The following SMAD9 variants were observed in gnomAD, a reference collection of about 807,000 sequenced individuals.
SMAD9 encodes the protein MAD homolog 9.
SMAD9 carries 36 observed loss-of-function variants against 46.1 expected under a neutral mutation model. The ratio of observed to expected loss-of-function variants is 0.78; its 90% CI spans 0.60 to 1.03. SMAD9 has a LOEUF of 1.03. Among genes scored for constraint, SMAD9 ranks in the 50% least tolerant of loss-of-function variants. The pLI, the probability that SMAD9 is intolerant of heterozygous loss-of-function variation, is 0.00. For missense variants in SMAD9, 572 were observed against 599.8 expected (o/e 0.95, Z 0.48); for synonymous variants, 245 against 237.1 (o/e 1.03, Z -0.31).
At chr13:36,901,672 C>T (rs555541954) in intron 1 of SMAD9, among the ~76,000 whole-genome samples, 2 of 152,318 alleles carry the variant, frequency 1.3e-5, no homozygotes, top group East Asian at 1.9e-4. Context: ...AAATGATCTC[C>T]CTGCCTCGGC....
In SMAD9 at chr13:36,851,737, AT is replaced by A. The variant is rs1363479640; in HGVS notation, c.1260+1681del. On this transcript the variant is annotated intron_variant, in intron 6 of 6. Transcript: ENST00000379826. ...TGCTCATCTCAAATGTTAAAAAAAAATGATCTATAGTTATATTTACTATGTA... is the reference window on the plus strand; with the variant it reads ...TGCTCATCTCAAATGTTAAAAAAAAAGATCTATAGTTATATTTACTATGTA... 6.2e-6 allele frequency: 6 copies of A among 972,194 alleles called. No individual in the cohort carries two copies. The African/African-American group carries it at 8.8e-5, about 14-fold the overall frequency. The allele number at this position is 972,194 out of a possible 1,614,324, so 60.2% of individuals were successfully genotyped here. A position where few individuals can be genotyped will look rare whatever the true frequency, so the allele number is the denominator to read the frequency against.
At chr13:36,854,602 C>A (rs1247017450) in intron 5 of SMAD9, among the ~76,000 whole-genome samples, 2 of 152,112 alleles carry the variant, frequency 1.3e-5, no homozygotes, top group African/African-American at 4.8e-5. Flanking sequence ...AAACTCCCAA[C>A]CTCAAGTAAT....
At chr13:36,918,385 C>T (rs898638981) in intron 1 of SMAD9, among the ~76,000 whole-genome samples, 2 of 152,184 alleles carry the variant, frequency 1.3e-5, no homozygotes, top group African/African-American at 4.8e-5. Flanking sequence ...CATAAAACAG[C>T]TCTGACAAAG....
chr13:36,903,771 TTAAA>T (rs1221290304), intron 1 of SMAD9, among the ~76,000 whole-genome samples: 2 of 152,102 alleles, frequency 1.3e-5, no homozygotes, highest in Non-Finnish European at 2.9e-5. Context: ...GAACAAAATC[TTAAA>T]TAAACACAAT....
At chr13:36,902,417 A>C (rs915045336) in intron 1 of SMAD9, among the ~76,000 whole-genome samples, 3 of 151,634 alleles carry the variant, frequency 2.0e-5, no homozygotes, top group African/African-American at 7.3e-5. Flanking sequence ...TTTGTAGTTA[A>C]GTTTTAAAAT....
intron 1 of SMAD9, among the ~76,000 whole-genome samples, chr13:36,916,017 T>A (rs1288076177): frequency 1.3e-5 from 2 of 152,324 alleles, no homozygotes; most frequent in African/African-American, 2.4e-5. Context: ...GTTAGTATTG[T>A]TCGATAATAG....
rs80196787 is a variant in SMAD9, at chr13:36,891,682, A to T, written c.-186-11807T>A. Among the ~76,000 whole-genome samples the T allele has an allele frequency of 2.5e-3, 386 of 152,270 alleles. 12 individuals carry two copies. In the East Asian group the frequency reaches 0.065, roughly 26 times the overall value. ...ACAGCTTCCCGGTTCCCTAGGTCAG[A>T]GCTGGATGGATCCTAGGGCATAAGC... On this transcript the variant is annotated intron_variant, in intron 1 of 6. Coordinates refer to ENST00000379826, the MANE Select transcript of SMAD9 (RefSeq NM_001127217.3).
chr13:36,869,549 TG>T (rs2058268793), intron 3 of SMAD9, among the ~76,000 whole-genome samples: 1 of 151,372 alleles, frequency 6.6e-6, no homozygotes, highest in Admixed American at 6.6e-5. Flanking sequence ...ATGGTTAAAA[TG>T]GGCTGGGTGC....
chr13:36,859,599 C>T (rs1309586954), intron 5 of SMAD9, among the ~76,000 whole-genome samples: 1 of 152,156 alleles, frequency 6.6e-6, no homozygotes, highest in Admixed American at 6.5e-5. Context: ...ATGGTAACAT[C>T]AGGAAGTTAC....
Position 36,865,520 on chromosome 13 carries a change from A to G in SMAD9, c.1003+17T>C, listed in dbSNP as rs1174666668. ...ATTTCGGCTAGATGACTAAAGGAAT[A>G]ACATCTTTGCTCTTACCCTTTCCTA... On this transcript the variant is annotated intron_variant, in intron 5 of 6. Coordinates refer to ENST00000379826, the MANE Select transcript of SMAD9 (RefSeq NM_001127217.3). The G allele has an allele frequency of 6.3e-7, 1 of 1,597,490 alleles. No homozygotes were observed. The highest frequency in any genetic ancestry group is 2.2e-5 in the East Asian group (1 of 44,800).
intron 1 of SMAD9, among the ~76,000 whole-genome samples, chr13:36,904,426 A>T (rs1041341663): frequency 6.6e-6 from 1 of 152,190 alleles, no homozygotes; most frequent in Admixed American, 6.5e-5. Context: ...GAAAATGTAT[A>T]ATTGCCCTAT....
At chr13:36,914,497 C>A (rs1197485142) in intron 1 of SMAD9, among the ~76,000 whole-genome samples, 1 of 151,906 alleles carries the variant, frequency 6.6e-6, no homozygotes, top group Non-Finnish European at 1.5e-5. Flanking sequence ...CCAGCCTGGG[C>A]GACAGAGAGA....
chr13:36,867,070 T>C (rs2058241775), intron 4 of SMAD9, among the ~76,000 whole-genome samples: 1 of 152,228 alleles, frequency 6.6e-6, no homozygotes, highest in African/African-American at 2.4e-5. Context: ...CTTGTTCTAG[T>C]AATGATGATA....
intron 1 of SMAD9, among the ~76,000 whole-genome samples, chr13:36,901,499 C>G (rs1327779942): frequency 2.6e-5 from 4 of 151,094 alleles, no homozygotes; most frequent in African/African-American, 7.3e-5. Context: ...GCGATCTCAG[C>G]TCACTGCAAC....
intron 1 of SMAD9, among the ~76,000 whole-genome samples, chr13:36,899,921 T>C (rs1318519579): frequency 6.6e-6 from 1 of 152,178 alleles, no homozygotes; most frequent in Non-Finnish European, 1.5e-5. Flanking sequence ...GGTCACAATC[T>C]TTCCCTGCTC....
chr13:36,857,504 G>A (rs1484078516), intron 5 of SMAD9, among the ~76,000 whole-genome samples: 1 of 152,184 alleles, frequency 6.6e-6, no homozygotes, highest in Non-Finnish European at 1.5e-5. Flanking sequence ...AGATCATGGA[G>A]TGTGGAGTCC....
intron 5 of SMAD9, among the ~76,000 whole-genome samples, chr13:36,862,954 A>G (rs1593562668): frequency 6.6e-6 from 1 of 152,186 alleles, no homozygotes; most frequent in East Asian, 1.9e-4. Flanking sequence ...AAGCCTGCTC[A>G]TGGTCTTTCT....
At chr13:36,859,493 T>G (rs2058158625) in intron 5 of SMAD9, among the ~76,000 whole-genome samples, 1 of 152,202 alleles carries the variant, frequency 6.6e-6, no homozygotes, top group Admixed American at 6.5e-5. Flanking sequence ...ATAAAGAAGC[T>G]GGCCAAAACC....
rs2058049509 is a variant in SMAD9 at position 36,848,403 on chromosome 13, A to T, written c.*273T>A. The T allele has an allele frequency of 2.1e-6, 1 of 474,340 alleles. No individual in the cohort carries two copies. The highest frequency in any genetic ancestry group is 2.0e-5 in the African/African-American group (1 of 50,882). 29.4% of individuals were successfully genotyped at this position (474,340 alleles called of 1,614,324 possible). On this transcript the variant is annotated 3_prime_UTR_variant, in exon 7 of 7. Transcript: ENST00000379826. Reference sequence around the variant, plus strand: ...TCTTTTATTCTGCTAACACCCTTCAAATACTGTTGACAATATCGCCTCTCA... The same window carrying T: ...TCTTTTATTCTGCTAACACCCTTCATATACTGTTGACAATATCGCCTCTCA...
Sources: allele counts gnomAD v4.1 joint callset (sites outside exome capture counted in the v4.1 genomes callset), GRCh38; gene constraint gnomAD v4.1.1; transcripts MANE v1.5; gene names NCBI Gene and HGNC (gene_info 2026-07-23, HGNC 2026-07-21).